The following CCSER2 variants were observed in gnomAD, a reference collection of about 807,000 sequenced individuals.
CCSER2 encodes the protein coiled-coil serine rich protein 2.
Under a neutral mutation model 92.3 loss-of-function variants are expected in CCSER2, and 46 were observed. That is an observed-to-expected ratio of 0.50 (90% confidence interval 0.39 to 0.64). The LOEUF (loss-of-function observed/expected upper bound fraction) is 0.64, where lower values mean the gene tolerates loss of function less well. Among genes scored for constraint, CCSER2 ranks in the 30% least tolerant of loss-of-function variants. The pLI, the probability that CCSER2 is intolerant of heterozygous loss-of-function variation, is 0.00. For missense variants in CCSER2, 1,244 were observed against 1,238.9 expected (o/e 1.00, Z -0.06); for synonymous variants, 433 against 431.4 (o/e 1.00, Z -0.04).
intron 3 of CCSER2, chr10:84,391,170 C>G: frequency 1.2e-6 from 1 of 821,072 alleles, no homozygotes; most frequent in South Asian, 1.3e-5. Flanking sequence ...CTTCAGTTGC[C>G]ACAGCACTGC....
chr10:84,507,244 A>G (rs1849107430), intron 9 of CCSER2: 19 of 911,370 alleles, frequency 2.1e-5, no homozygotes, highest in Non-Finnish European at 2.5e-5. Context: ...CTCTGATGCC[A>G]TTGTCCTGTC....
intron 6 of CCSER2, among the ~76,000 whole-genome samples, chr10:84,446,568 A>G (rs912234238): frequency 1.3e-5 from 2 of 152,088 alleles, no homozygotes; most frequent in East Asian, 1.9e-4. Context: ...CCCTATCCCC[A>G]TATTTCTCTC....
At chr10:84,389,342 T>C (rs1654990066) in intron 3 of CCSER2, 1 of 522,952 alleles carries the variant, frequency 1.9e-6, no homozygotes, top group Non-Finnish European at 3.8e-6. Context: ...GACAATCTCA[T>C]CAAAAGTGAT....
At chr10:84,474,478 T>C (rs1391938941) in intron 8 of CCSER2, among the ~76,000 whole-genome samples, 1 of 151,952 alleles carries the variant, frequency 6.6e-6, no homozygotes, top group Non-Finnish European at 1.5e-5. Flanking sequence ...CTGGCCAACA[T>C]GGTGAAACCC....
chr10:84,487,822 T>A (rs1234727317), intron 9 of CCSER2, among the ~76,000 whole-genome samples: 2 of 152,206 alleles, frequency 1.3e-5, no homozygotes, highest in African/African-American at 4.8e-5. Flanking sequence ...TTGTGCCAGT[T>A]TCAAAGGGAA....
intron 3 of CCSER2, among the ~76,000 whole-genome samples, chr10:84,382,477 ATAT>A (rs1447363773): frequency 1.3e-5 from 2 of 152,200 alleles, no homozygotes; most frequent in African/African-American, 2.4e-5. Context: ...TTTCTGATAA[ATAT>A]TATAATCATT....
chr10:84,362,625 T>G (rs1411337235), intron 1 of CCSER2, among the ~76,000 whole-genome samples: 1 of 152,188 alleles, frequency 6.6e-6, no homozygotes, highest in Non-Finnish European at 1.5e-5. Context: ...ACAAGTTACT[T>G]TGAACTCCAT....
chr10:84,401,587 C>T (rs1170719974), intron 3 of CCSER2, among the ~76,000 whole-genome samples: 1 of 152,076 alleles, frequency 6.6e-6, no homozygotes, highest in Admixed American at 6.6e-5. Context: ...GTTTCACTGG[C>T]CAATTTTACC....
At chr10:84,353,716 C>T (rs933286270) in intron 1 of CCSER2, among the ~76,000 whole-genome samples, 1 of 152,154 alleles carries the variant, frequency 6.6e-6, no homozygotes, top group African/African-American at 2.4e-5. Flanking sequence ...AGCTGTAAAT[C>T]AGAACTTCTG....
intron 2 of CCSER2, 66 bp from the exon 3 acceptor site, chr10:84,373,553 C>T (rs1846179100): frequency 8.0e-7 from 1 of 1,247,424 alleles, no homozygotes; most frequent in Non-Finnish European, 1.1e-6. Context: ...ATTATTAGCA[C>T]TTATATTTTT....
chr10:84,458,517 C>T (rs1164549231), intron 6 of CCSER2, among the ~76,000 whole-genome samples: 1 of 152,060 alleles, frequency 6.6e-6, no homozygotes, highest in African/African-American at 2.4e-5. Context: ...AGTTCTTTTG[C>T]CTTTTCATGT....
intron 6 of CCSER2, among the ~76,000 whole-genome samples, chr10:84,440,778 C>T (rs1406525447): frequency 6.6e-6 from 1 of 152,210 alleles, no homozygotes; most frequent in Admixed American, 6.5e-5. Context: ...CCTGGTCTCA[C>T]ATTTGATTGA....
Position 84,514,196 on chromosome 10 carries a change from G to C in CCSER2, c.3073G>C (p.Gly1025Arg). The change falls in exon 10 of 10, where the codon GGC becomes CGC. Residue 1025 changes from glycine to arginine, a missense_variant. By Grantham distance (125) the Gly-to-Arg change is moderately radical (BLOSUM62 -2). Transcript: ENST00000372088. ...AAAAGAAATCATGCAGAATCCAAAT[G>C]GCAATTTGCATTCTGGGGATTGTTT... ...QRKEIMQNPNGNLHSGDCLAS... is the reference protein window; with the variant it reads ...QRKEIMQNPNRNLHSGDCLAS... 6.5e-7 allele frequency: 1 copy of C among 1,536,392 alleles called. No individual in the cohort carries two copies. Among genetic ancestry groups the C allele is most frequent in the Non-Finnish European group, 8.7e-7 (1 of 1,146,954 alleles).
At chr10:84,500,131 T>A (rs1180558729) in intron 9 of CCSER2, 1 of 326,284 alleles carries the variant, frequency 3.1e-6, no homozygotes, top group Non-Finnish European at 4.4e-6. Flanking sequence ...TTTTACTGCA[T>A]GTAAACAGAC....
At chr10:84,454,488 A>C (rs999647324) in intron 6 of CCSER2, among the ~76,000 whole-genome samples, 1 of 152,176 alleles carries the variant, frequency 6.6e-6, no homozygotes, top group Non-Finnish European at 1.5e-5. Flanking sequence ...TTTGGTGTGC[A>C]GTTTTTTTTA....
intron 6 of CCSER2, among the ~76,000 whole-genome samples, chr10:84,439,623 T>G (rs2133517825): frequency 6.6e-6 from 1 of 152,352 alleles, no homozygotes; most frequent in Non-Finnish European, 1.5e-5. Context: ...TAAAGTCAGG[T>G]AAATTGTTTT....
chr10:84,407,893 T>C (rs951921040), intron 3 of CCSER2, among the ~76,000 whole-genome samples: 22 of 152,172 alleles, frequency 1.4e-4, no homozygotes, highest in Admixed American at 1.2e-3. Flanking sequence ...TTGAAAAGAC[T>C]TAACTCACAA....
At chr10:84,489,418 G>A (rs987968111) in intron 9 of CCSER2, among the ~76,000 whole-genome samples, 2 of 152,144 alleles carry the variant, frequency 1.3e-5, no homozygotes, top group Non-Finnish European at 2.9e-5. Flanking sequence ...GAATCTGGGT[G>A]CTCCTGTATT....
At chr10:84,461,676 C>G (rs1325845189) in intron 6 of CCSER2, among the ~76,000 whole-genome samples, 9 of 150,652 alleles carry the variant, frequency 6.0e-5, no homozygotes, top group African/African-American at 2.2e-4. Flanking sequence ...TTTTTTTTCC[C>G]CCTGAGATTT....
Sources: allele counts gnomAD v4.1 joint callset (sites outside exome capture counted in the v4.1 genomes callset), GRCh38; gene constraint gnomAD v4.1.1; transcripts MANE v1.5; gene names NCBI Gene and HGNC (gene_info 2026-07-23, HGNC 2026-07-21).